MAF: variants seen among roughly 807,000 people sequenced by gnomAD.
MAF encodes the protein transcription factor Maf.
Under a neutral mutation model 22.0 loss-of-function variants are expected in MAF, and 10 were observed. The observed-to-expected ratio is 0.45, with a 90% CI of 0.28 to 0.77. The LOEUF is 0.77. Ranked by LOEUF, MAF falls within the 30% of genes least tolerant of loss-of-function variation. The pLI, the probability that MAF is intolerant of heterozygous loss-of-function variation, is 0.12. For synonymous variants in MAF, 337 were observed against 255.8 expected, an observed-to-expected ratio of 1.32 and a Z score of -3.03; for missense variants, 544 against 548.4, an observed-to-expected ratio of 0.99 and a Z score of 0.08.
chr16:79,412,119 G>A, the MAF span, among the ~76,000 whole-genome samples: 1 of 152,192 alleles, frequency 6.6e-6, no homozygotes, highest in Non-Finnish European at 1.5e-5. Context: ...TCAGATGAAT[G>A]AGCCAGGCCT....
At chr16:79,565,490 C>T in the MAF span, among the ~76,000 whole-genome samples, 3,258 of 149,184 alleles carry the variant, frequency 0.022, 55 homozygotes, top group Middle Eastern at 0.063. Flanking sequence ...GTAGGTCCCA[C>T]AATCTTCACG....
the MAF span, among the ~76,000 whole-genome samples, chr16:79,309,068 G>A: frequency 7.1e-4 from 108 of 152,300 alleles, no homozygotes; most frequent in African/African-American, 2.4e-3. Flanking sequence ...GGCCCTGGGC[G>A]CAGAGAGAGG....
At chr16:79,531,746 C>A in the MAF span, among the ~76,000 whole-genome samples, 178 of 152,216 alleles carry the variant, frequency 1.2e-3, no homozygotes, top group African/African-American at 4.2e-3. Flanking sequence ...TAAACACAGA[C>A]GAAGCTTCAC....
At chr16:79,536,954 A>G in the MAF span, among the ~76,000 whole-genome samples, 3 of 152,138 alleles carry the variant, frequency 2.0e-5, no homozygotes, top group African/African-American at 4.8e-5. Flanking sequence ...AGGGATGACT[A>G]TTTCATGATA....
the MAF span, among the ~76,000 whole-genome samples, chr16:79,384,489 G>T: frequency 1.3e-5 from 2 of 150,630 alleles, no homozygotes; most frequent in Non-Finnish European, 2.9e-5. Context: ...CGGGCATGGT[G>T]GCTCACGCCT....
At chr16:79,236,141 G>A in the MAF span, among the ~76,000 whole-genome samples, 3 of 152,058 alleles carry the variant, frequency 2.0e-5, no homozygotes, top group Non-Finnish European at 4.4e-5. Flanking sequence ...TACAATGCAA[G>A]CATTTGACTT....
the MAF span, among the ~76,000 whole-genome samples, chr16:79,254,223 A>T: frequency 1.3e-5 from 2 of 152,152 alleles, no homozygotes; most frequent in South Asian, 4.1e-4. Context: ...AATTTTTGAC[A>T]TACTCCTGTG....
chr16:79,286,703 G>T, the MAF span, among the ~76,000 whole-genome samples: 1 of 152,084 alleles, frequency 6.6e-6, no homozygotes, highest in East Asian at 1.9e-4. Flanking sequence ...ACATTCCCAC[G>T]CATCTTTAAC....
At chr16:79,324,700 C>T in the MAF span, among the ~76,000 whole-genome samples, 401 of 152,080 alleles carry the variant, frequency 2.6e-3, 2 homozygotes, top group African/African-American at 8.8e-3. Context: ...GAGGCACAGG[C>T]GACAGTCAGA....
At chr16:79,545,307 A>G in the MAF span, among the ~76,000 whole-genome samples, 2 of 152,180 alleles carry the variant, frequency 1.3e-5, no homozygotes, top group Non-Finnish European at 2.9e-5. Flanking sequence ...GTACTGAGTG[A>G]AAGGTGGGGA....
chr16:79,473,130 C>T, the MAF span, among the ~76,000 whole-genome samples: 1 of 152,106 alleles, frequency 6.6e-6, no homozygotes, highest in South Asian at 2.1e-4. Context: ...GCCATCTGGT[C>T]GTTCACACCC....
chr16:79,486,728 G>A, the MAF span, among the ~76,000 whole-genome samples: 1 of 152,172 alleles, frequency 6.6e-6, no homozygotes, highest in African/African-American at 2.4e-5. Context: ...AAATTCATTT[G>A]ACCACTAGCT....
the MAF span, among the ~76,000 whole-genome samples, chr16:79,465,775 G>A: frequency 6.6e-6 from 1 of 152,102 alleles, no homozygotes; most frequent in African/African-American, 2.4e-5. Flanking sequence ...AGCAAAGAGG[G>A]AGCTGTAGTA....
chr16:79,244,231 G>C, the MAF span, among the ~76,000 whole-genome samples: 3 of 152,112 alleles, frequency 2.0e-5, no homozygotes, highest in East Asian at 3.9e-4. Context: ...TCAGACAAGA[G>C]AAAGAAATAA....
the MAF span, among the ~76,000 whole-genome samples, chr16:79,417,991 G>A: frequency 1.3e-5 from 2 of 152,104 alleles, no homozygotes; most frequent in African/African-American, 4.8e-5. Flanking sequence ...TTTTCCTCCT[G>A]CGCGGGTCTG....
At chr16:79,526,340 A>T in the MAF span, among the ~76,000 whole-genome samples, 1 of 152,178 alleles carries the variant, frequency 6.6e-6, no homozygotes, top group Non-Finnish European at 1.5e-5. Flanking sequence ...AGCTCATAAT[A>T]GGGTTCGTGC....
the MAF span, among the ~76,000 whole-genome samples, chr16:79,250,892 C>G: frequency 7.2e-5 from 11 of 152,304 alleles, no homozygotes; most frequent in African/African-American, 2.6e-4. Context: ...AAAACTGGGA[C>G]AGTCCCAAGC....
At chr16:79,321,465 G>C in the MAF span, among the ~76,000 whole-genome samples, 10 of 152,248 alleles carry the variant, frequency 6.6e-5, no homozygotes, top group South Asian at 1.9e-3. Flanking sequence ...GGCTAGAGAG[G>C]AGAGGCCCAG....
At chr16:79,473,306 C>T in the MAF span, among the ~76,000 whole-genome samples, 1 of 152,130 alleles carries the variant, frequency 6.6e-6, no homozygotes, top group African/African-American at 2.4e-5. Context: ...TGCCAAAATC[C>T]ACGGTGGCAA....
Sources: gnomAD v4.1 joint callset for allele counts (sites outside exome capture counted in the v4.1 genomes callset) on GRCh38, gnomAD v4.1.1 for gene constraint, MANE v1.5 for transcripts, NCBI Gene and HGNC (gene_info 2026-07-23, HGNC 2026-07-21) for gene names.